INPP4B: variants seen among roughly 807,000 people sequenced by gnomAD.
INPP4B encodes inositol polyphosphate-4-phosphatase type II B, also known as inositol polyphosphate 4-phosphatase type II.
Under a neutral mutation model 122.5 loss-of-function variants are expected in INPP4B, and 55 were observed. The observed-to-expected ratio is 0.45, with a 90% confidence interval of 0.36 to 0.56. INPP4B has a LOEUF of 0.56. INPP4B is among the 20% of genes least tolerant of loss of function. The probability of loss-of-function intolerance (pLI) is 0.00; values close to 1 mark genes in which losing one functional copy is unlikely to be tolerated. For synonymous variants in INPP4B, 403 were observed against 388.7 expected (o/e 1.04, Z -0.43); for missense variants, 1,000 against 1,097.7 (o/e 0.91, Z 1.26).
chr4:142,088,324 G>A (rs899361118), intron 23 of INPP4B, among the ~76,000 whole-genome samples: 1 of 152,164 alleles, frequency 6.6e-6, no homozygotes, highest in Admixed American at 6.5e-5. Context: ...CACCATCACT[G>A]CTTTTAATGT....
intron 2 of INPP4B, among the ~76,000 whole-genome samples, chr4:142,488,965 G>A (rs1331448211): frequency 1.3e-5 from 2 of 151,896 alleles, no homozygotes; most frequent in African/African-American, 4.8e-5. Context: ...TATGAAGTGT[G>A]CTATCTTTTG....
intron 16 of INPP4B, among the ~76,000 whole-genome samples, chr4:142,166,598 C>T (rs1191282119): frequency 6.6e-6 from 1 of 151,612 alleles, no homozygotes; most frequent in Non-Finnish European, 1.5e-5. Context: ...ACAGAGTAAA[C>T]AGACCACCTA....
At chr4:142,029,494 T>A in intron 25 of INPP4B, 1 of 985,658 alleles carries the variant, frequency 1.0e-6, no homozygotes, top group African/African-American at 1.7e-5. Context: ...GTGCTGGGAA[T>A]GGTACATCAA....
intron 4 of INPP4B, among the ~76,000 whole-genome samples, chr4:142,429,843 C>T: frequency 6.6e-6 from 1 of 151,966 alleles, no homozygotes; most frequent in East Asian, 1.9e-4. Flanking sequence ...GAAATGGAAC[C>T]ATCTAACAGC....
intron 5 of INPP4B, among the ~76,000 whole-genome samples, chr4:142,413,579 G>T (rs1228775120): frequency 6.6e-6 from 1 of 152,096 alleles, no homozygotes; most frequent in Non-Finnish European, 1.5e-5. Context: ...AGAAGGTGAG[G>T]TGTGGCAGGA....
chr4:142,180,740 A>G (rs1039831911), intron 15 of INPP4B, among the ~76,000 whole-genome samples: 1 of 152,190 alleles, frequency 6.6e-6, no homozygotes, highest in Non-Finnish European at 1.5e-5. Flanking sequence ...CATAGTATCA[A>G]CCCATTTTAA....
At chr4:142,472,885 T>C (rs1309676605) in intron 2 of INPP4B, among the ~76,000 whole-genome samples, 1 of 152,170 alleles carries the variant, frequency 6.6e-6, no homozygotes, top group Non-Finnish European at 1.5e-5. Flanking sequence ...CTTTTCTACT[T>C]TATGAATTTT....
At chr4:142,057,651 T>A (rs1758399020) in intron 25 of INPP4B, among the ~76,000 whole-genome samples, 1 of 152,102 alleles carries the variant, frequency 6.6e-6, no homozygotes, top group African/African-American at 2.4e-5. Flanking sequence ...AGGCAAACAA[T>A]GAAGGCACAA....
chr4:142,842,631 T>G (rs1201456423), intron 1 of INPP4B, among the ~76,000 whole-genome samples: 2 of 135,882 alleles, frequency 1.5e-5, no homozygotes, highest in East Asian at 4.0e-4. Context: ...TTATATATAA[T>G]AATCCTAACA....
intron 23 of INPP4B, among the ~76,000 whole-genome samples, chr4:142,094,428 T>C (rs3756113): frequency 0.26 from 39,332 of 152,104 alleles, 5,164 homozygotes; most frequent in East Asian, 0.3. Flanking sequence ...AATAAATGGC[T>C]CCTTGAGAGT....
chr4:142,209,514 C>T (rs371974170), intron 12 of INPP4B, among the ~76,000 whole-genome samples: 4 of 151,810 alleles, frequency 2.6e-5, no homozygotes, highest in South Asian at 4.2e-4. Context: ...AAAGCCCGGC[C>T]GGGCACGGTG....
intron 1 of INPP4B, among the ~76,000 whole-genome samples, chr4:142,836,303 A>G (rs1247099880): frequency 6.8e-6 from 1 of 147,088 alleles, no homozygotes; most frequent in Admixed American, 6.6e-5. Context: ...GAGAAAATCA[A>G]GAAGAAGAAG....
At chr4:142,752,405 T>C (rs796255402) in intron 1 of INPP4B, among the ~76,000 whole-genome samples, 53 of 152,178 alleles carry the variant, frequency 3.5e-4, no homozygotes, top group African/African-American at 1.2e-3. Flanking sequence ...CTTTTCCAGA[T>C]CTAACTTCTC....
At chr4:142,316,043 T>C (rs114003386) in intron 7 of INPP4B, among the ~76,000 whole-genome samples, 2 of 152,224 alleles carry the variant, frequency 1.3e-5, no homozygotes, top group African/African-American at 2.4e-5. Flanking sequence ...TGCCAAGTCC[T>C]TGAAAAAAGC....
chr4:142,824,569 T>C lies in INPP4B; in HGVS notation c.-254+21640A>G, dbSNP rs554869843. On this transcript the variant is annotated intron_variant, in intron 1 of 25. Transcript: ENST00000262992. Reference sequence around the variant, plus strand: ...ACTCCAAGAGCTATGGCTTTTCTGGTATGAATCACTCCCTTCAAAGGCACA... The same window carrying C: ...ACTCCAAGAGCTATGGCTTTTCTGGCATGAATCACTCCCTTCAAAGGCACA... Among the ~76,000 whole-genome samples, 9 of 152,252 alleles carry C rather than the reference T, an allele frequency of 5.9e-5. No individual in the cohort carries two copies. The South Asian group carries it at 1.9e-3, about 32-fold the overall frequency.
chr4:142,228,114 AAT>A (rs1243362301), intron 12 of INPP4B, among the ~76,000 whole-genome samples: 1 of 151,668 alleles, frequency 6.6e-6, no homozygotes, highest in Non-Finnish European at 1.5e-5. Flanking sequence ...GCTCATCACA[AAT>A]ATTTTTTTAT....
Position 142,119,756 on chromosome 4 carries a change from T to C in INPP4B, c.2135+2372A>G, listed in dbSNP as rs1279379980. ...CAGATGTATACACATGTAACAAACCTGCACATTGTGCACATGTAGCCTAGA... is the reference window on the plus strand; with the variant it reads ...CAGATGTATACACATGTAACAAACCCGCACATTGTGCACATGTAGCCTAGA... On this transcript the variant is annotated intron_variant, in intron 21 of 25. Transcript: ENST00000262992. Among the ~76,000 whole-genome samples, 5 of 151,392 alleles carry C rather than the reference T, an allele frequency of 3.3e-5. No homozygotes were observed. The Admixed American group carries it at 3.3e-4, about 10-fold the overall frequency.
At chr4:142,561,482 G>T (rs750147222) in intron 2 of INPP4B, among the ~76,000 whole-genome samples, 1 of 152,024 alleles carries the variant, frequency 6.6e-6, no homozygotes, top group Non-Finnish European at 1.5e-5. Flanking sequence ...GTAGTGGCGC[G>T]ATCTCAGCTC....
intron 10 of INPP4B, among the ~76,000 whole-genome samples, chr4:142,263,918 T>C (rs955542000): frequency 1.4e-4 from 21 of 151,730 alleles, no homozygotes; most frequent in Non-Finnish European, 2.5e-4. Flanking sequence ...GTACCTGAAA[T>C]GTTCAGGAAC....
Sources: allele counts gnomAD v4.1 joint callset (sites outside exome capture counted in the v4.1 genomes callset), GRCh38; gene constraint gnomAD v4.1.1; transcripts MANE v1.5; gene names NCBI Gene and HGNC (gene_info 2026-07-23, HGNC 2026-07-21).